The following STEAP4 variants were observed in gnomAD, a reference collection of about 807,000 sequenced individuals.
STEAP4 encodes STEAP4 metalloreductase, also known as metalloreductase STEAP4.
In STEAP4, 36 loss-of-function variants were observed where a neutral mutation model predicts 43.6. The observed-to-expected ratio is 0.83, with a 90% CI of 0.63 to 1.09. The LOEUF (loss-of-function observed/expected upper bound fraction) is 1.09. STEAP4 is among the 50% of genes least tolerant of loss of function. The probability of loss-of-function intolerance (pLI) is 0.00; values close to 1 mark genes in which losing one functional copy is unlikely to be tolerated. For missense variants in STEAP4, 495 were observed against 546.5 expected (o/e 0.91, Z 0.94); for synonymous variants, 191 against 196.7 (o/e 0.97, Z 0.24).
intron 3 of STEAP4, 134 bp downstream of exon 3, chr7:88,282,507 G>C: frequency 4.4e-6 from 4 of 899,788 alleles, no homozygotes; most frequent in Non-Finnish European, 6.5e-6. Context: ...AAACTGACAT[G>C]ACATTTCTAA....
At position 88,273,791 on chromosome 7, in the gene STEAP4, G is replaced by T. The variant is rs1852473795; in HGVS notation, c.*5607C>A. 6.6e-6 allele frequency: 1 copy of T among 152,088 alleles called. No individual in the cohort carries two copies. Among genetic ancestry groups the T allele is most frequent in the African/African-American group, 2.4e-5 (1 of 41,398 alleles). 9.4% of individuals were successfully genotyped at this position (152,088 alleles called of 1,614,324 possible). A position where few individuals can be genotyped will look rare whatever the true frequency, so the allele number is the denominator to read the frequency against. ...CCTTTAGAGTTTAGGAAACCTTGTG[G>T]CCAGACTAGAGTGGGAAGATTAAAA... On this transcript the variant is annotated 3_prime_UTR_variant, in exon 5 of 5. Coordinates refer to ENST00000380079, the MANE Select transcript of STEAP4 (RefSeq NM_024636.4).
At chr7:88,283,582 G>T (rs1256373157) in intron 2 of STEAP4, 2 of 579,424 alleles carry the variant, frequency 3.5e-6, no homozygotes, top group African/African-American at 1.9e-5. Flanking sequence ...GCCTCCAGAG[G>T]CTGACACCAT....
At chr7:88,288,988 C>A (rs1346220211) in intron 1 of STEAP4, among the ~76,000 whole-genome samples, 1 of 151,944 alleles carries the variant, frequency 6.6e-6, no homozygotes, top group Non-Finnish European at 1.5e-5. Context: ...GAATTTTTCT[C>A]AAAAATGTTT....
intron 3 of STEAP4, 78 bp downstream of exon 3, chr7:88,282,563 A>C: frequency 7.5e-7 from 1 of 1,325,098 alleles, no homozygotes; most frequent in Non-Finnish European, 1.0e-6. Flanking sequence ...GTGACTTTCT[A>C]TAATTATGAA....
chr7:88,276,703 T>A lies in STEAP4; in HGVS notation c.*2695A>T, dbSNP rs1852518296. ...ACTGGAGGAGTCAGCTGTGTTAATA[T>A]GGTCAAATTAATTTCATAGTTTTGG... is the stretch of plus-strand genomic sequence containing the variant. On this transcript the variant is annotated 3_prime_UTR_variant, in exon 5 of 5. Transcript: ENST00000380079. The A allele has an allele frequency of 6.5e-6, 1 of 153,026 alleles. No homozygotes were observed. Among genetic ancestry groups the A allele is most frequent in the Middle Eastern group, 3.4e-3 (1 of 294 alleles). 9.5% of individuals were successfully genotyped at this position (153,026 alleles called of 1,614,324 possible).
intron 1 of STEAP4, among the ~76,000 whole-genome samples, chr7:88,295,540 C>T (rs1852910633): frequency 6.6e-6 from 1 of 152,106 alleles, no homozygotes; most frequent in African/African-American, 2.4e-5. Context: ...GCTTGAGAAC[C>T]ATTGCCTTAA....
rs1852471913 is a variant in STEAP4, at chr7:88,273,639, A to T, written c.*5759T>A. Reference sequence around the variant, plus strand: ...AAGTTCACTCAGTACACAAAGCAATAAGGTGAGAAACCAGGGAAAAAGAAA... The same window carrying T: ...AAGTTCACTCAGTACACAAAGCAATTAGGTGAGAAACCAGGGAAAAAGAAA... On this transcript the variant is annotated 3_prime_UTR_variant, in exon 5 of 5. Transcript: ENST00000380079. 6.6e-6 allele frequency: 1 copy of T among 152,196 alleles called. No homozygotes were observed. The highest frequency in any genetic ancestry group is 6.5e-5 in the Admixed American group (1 of 15,270). 9.4% of individuals were successfully genotyped at this position (152,196 alleles called of 1,614,324 possible).
chr7:88,283,488 T>A (rs56301909), intron 2 of STEAP4: 1 of 480,578 alleles, frequency 2.1e-6, no homozygotes, highest in East Asian at 3.6e-5. Context: ...CTAATCTCAG[T>A]GTATAAATGG....
intron 1 of STEAP4, among the ~76,000 whole-genome samples, chr7:88,291,420 G>A (rs1311045561): frequency 7.9e-5 from 12 of 151,436 alleles, no homozygotes; most frequent in African/African-American, 2.9e-4. Context: ...CTGGGAGGTG[G>A]AGGCTGTAGT....
chr7:88,283,427 T>G (rs1003843664), intron 2 of STEAP4: 2 of 491,258 alleles, frequency 4.1e-6, no homozygotes, highest in African/African-American at 3.9e-5. Flanking sequence ...CTCCACACTG[T>G]GAGTAGTTTG....
intron 1 of STEAP4, among the ~76,000 whole-genome samples, chr7:88,295,133 G>T (rs533313240): frequency 2.0e-5 from 3 of 152,120 alleles, no homozygotes; most frequent in African/African-American, 7.2e-5. Context: ...TAGTAACAGA[G>T]AATAGTATGC....
chr7:88,283,245 G>GCA, intron 2 of STEAP4, 77 bp from the exon 3 acceptor site: 2 of 1,385,466 alleles, frequency 1.4e-6, no homozygotes, highest in South Asian at 3.2e-5. Flanking sequence ...GGCTACAACA[G>GCA]CACCATGCCA....
rs1454283111 is a variant in STEAP4, at chr7:88,275,552, TAGAAAATTG to T, written c.*3837_*3845del. ...TCTAGAATGTAAACCTAATTCATTA[TAGAAAATTG>T]AAGTAGGACCCTGTAAGGCTATCTG... On this transcript the variant is annotated 3_prime_UTR_variant, in exon 5 of 5. Coordinates refer to ENST00000380079, the MANE Select transcript of STEAP4 (RefSeq NM_024636.4). 2.6e-5 allele frequency: 4 copies of T among 152,034 alleles called. No individual in the cohort carries two copies. Among genetic ancestry groups the T allele is most frequent in the Non-Finnish European group, 5.9e-5 (4 of 68,056 alleles). The allele number at this position is 152,034 out of a possible 1,614,324, so 9.4% of individuals were successfully genotyped here.
chr7:88,306,132 G>A (rs1853125703), intron 1 of STEAP4, among the ~76,000 whole-genome samples: 1 of 152,206 alleles, frequency 6.6e-6, no homozygotes, highest in African/African-American at 2.4e-5. Flanking sequence ...GCCTCCCAAA[G>A]TGTTGGGATA....
At position 88,277,069 on chromosome 7, in the gene STEAP4, C is replaced by T. The variant is rs1308278204; in HGVS notation, c.*2329G>A. 3 of 152,202 alleles carry T rather than the reference C, an allele frequency of 2.0e-5. No individual in the cohort carries two copies. The highest frequency in any genetic ancestry group is 4.4e-5 in the Non-Finnish European group (3 of 68,044). 9.4% of individuals were successfully genotyped at this position (152,202 alleles called of 1,614,324 possible). A position where few individuals can be genotyped will look rare whatever the true frequency, so the allele number is the denominator to read the frequency against. On this transcript the variant is annotated 3_prime_UTR_variant, in exon 5 of 5. Transcript: ENST00000380079. ...AGAGCATGGTTAACTCCAAAGACTT[C>T]TCTAGACCAGCCTGGATGGTACCTA...
intron 1 of STEAP4, among the ~76,000 whole-genome samples, chr7:88,298,083 T>C (rs1852956672): frequency 6.6e-6 from 1 of 152,150 alleles, no homozygotes; most frequent in Non-Finnish European, 1.5e-5. Flanking sequence ...CATAGTGCTA[T>C]CGTGCCATTG....
At position 88,276,073 on chromosome 7, in the gene STEAP4, G is replaced by A. The variant is rs981309868; in HGVS notation, c.*3325C>T. Reference sequence around the variant, plus strand: ...TTGTCAAGCCATTAGCCTTATCCCTGTGGCGTCTGCATGGAGAAGGAAAGC... The same window carrying A: ...TTGTCAAGCCATTAGCCTTATCCCTATGGCGTCTGCATGGAGAAGGAAAGC... On this transcript the variant is annotated 3_prime_UTR_variant, in exon 5 of 5. Transcript: ENST00000380079. 2.0e-5 allele frequency: 3 copies of A among 152,198 alleles called. No individual in the cohort carries two copies. The highest frequency in any genetic ancestry group is 4.4e-5 in the Non-Finnish European group (3 of 68,068). The allele number at this position is 152,198 out of a possible 1,614,324, so 9.4% of individuals were successfully genotyped here. A position where few individuals can be genotyped will look rare whatever the true frequency, so the allele number is the denominator to read the frequency against.
intron 3 of STEAP4, chr7:88,281,594 T>C (rs2115952937): frequency 6.6e-6 from 1 of 152,366 alleles, no homozygotes; most frequent in East Asian, 1.9e-4. Context: ...TTACATGTAT[T>C]TGTTGGGAAA....
At position 88,285,274 on chromosome 7, in the gene STEAP4, C is replaced by T. The variant is rs79633953; in HGVS notation, c.-2-1003G>A. Among the ~76,000 whole-genome samples, 713 of 152,148 alleles carry T rather than the reference C, an allele frequency of 4.7e-3. 10 individuals carry two copies. The highest frequency in any genetic ancestry group is 0.016 in the African/African-American group (668 of 41,530). On this transcript the variant is annotated intron_variant, in intron 1 of 4. Transcript: ENST00000380079. ...GCAACAAAATAAAGACAATATGTAA[C>T]AAGATAGCAAGATATGTGCAACATA... is the stretch of plus-strand genomic sequence containing the variant.
Sources: allele counts gnomAD v4.1 joint callset (sites outside exome capture counted in the v4.1 genomes callset), GRCh38; gene constraint gnomAD v4.1.1; transcripts MANE v1.5; gene names NCBI Gene and HGNC (gene_info 2026-07-23, HGNC 2026-07-21).